The following COL6A5 variants were observed in gnomAD, a reference collection of about 807,000 sequenced individuals.
COL6A5 encodes the protein collagen alpha-5(VI) chain.
COL6A5 carries 48 observed loss-of-function variants against 65.6 expected under a neutral mutation model. That is an observed-to-expected ratio of 0.73 (90% CI 0.58 to 0.93). The LOEUF is 0.93. COL6A5 is among the 40% of genes least tolerant of loss of function. COL6A5 has a pLI of 0.00. For synonymous variants in COL6A5, 291 were observed against 322.8 expected (o/e 0.90, Z 1.05); for missense variants, 914 against 928.3 (o/e 0.98, Z 0.20).
At chr3:130,358,014 C>G (rs1403378563) in intron 1 of COL6A5, among the ~76,000 whole-genome samples, 1 of 151,844 alleles carries the variant, frequency 6.6e-6, no homozygotes, top group Non-Finnish European at 1.5e-5. Flanking sequence ...ATGGTGAAAC[C>G]CCGTCTCTAC....
chr3:130,345,821 TGCGGCGCGGACCAGGG>T (rs1934444168), exon 1 of COL6A5: 1 of 395,828 alleles, frequency 2.5e-6, no homozygotes, highest in Non-Finnish European at 4.5e-6. Flanking sequence ...GACCAGGGCG[TGCGGCGCGGACCAGGG>T]CTTCCGGCGC....
At chr3:130,427,329 C>T (rs2107690269), upstream of COL6A5, among the ~76,000 whole-genome samples, 1 of 152,154 alleles carries the variant, frequency 6.6e-6, no homozygotes, top group Admixed American at 6.5e-5. Flanking sequence ...TTTAAATAAT[C>T]ATAATCAGAA....
chr3:130,353,861 A>G (rs1934813839), intron 1 of COL6A5, among the ~76,000 whole-genome samples: 1 of 152,094 alleles, frequency 6.6e-6, no homozygotes, highest in African/African-American at 2.4e-5. Flanking sequence ...AAAATATTAA[A>G]TGAATATGTC....
At chr3:130,451,893 G>A (rs1353457681) in intron 4 of COL6A5, among the ~76,000 whole-genome samples, 1 of 152,158 alleles carries the variant, frequency 6.6e-6, no homozygotes, top group Non-Finnish European at 1.5e-5. Context: ...CATTAGGACA[G>A]CAGGTACCAA....
Position 130,395,214 on chromosome 3 carries a change from G to A in COL6A5, c.3317G>A (p.Gly1106Asp), listed in dbSNP as rs916377910. The A allele has an allele frequency of 2.6e-6, 4 of 1,551,538 alleles. No individual in the cohort carries two copies. The African/African-American group carries it at 4.1e-5, about 16-fold the overall frequency. The change falls in exon 8 of 42, where the codon GGT (glycine) becomes GAT (aspartate). Residue 1106 changes from glycine to aspartate, a missense_variant and NMD_transcript_variant. Transcript: ENST00000312481. ...CATGCTGGTGGGAGAAGAAATGCTG[G>A]TGTCCCCCAAACTTTGGTTGTTATC...
At chr3:130,471,125 G>A (rs905188555) in intron 7 of COL6A5, among the ~76,000 whole-genome samples, 158 bp downstream of exon 39, 5 of 151,718 alleles carry the variant, frequency 3.3e-5, no homozygotes, top group African/African-American at 1.2e-4. Context: ...CGTTTGTGAT[G>A]ATAGCATAGG....
intron 6 of COL6A5, among the ~76,000 whole-genome samples, chr3:130,389,695 T>C (rs779423244): frequency 3.3e-5 from 5 of 152,114 alleles, no homozygotes; most frequent in African/African-American, 4.8e-5. Context: ...AAAATTGTAA[T>C]TTGTCACTTT....
chr3:130,428,835 G>C (rs1052674475), upstream of COL6A5, among the ~76,000 whole-genome samples: 6 of 152,210 alleles, frequency 3.9e-5, no homozygotes, highest in African/African-American at 1.4e-4. Flanking sequence ...TTGCACGACA[G>C]CAAGACAGAA....
intron 5 of COL6A5, among the ~76,000 whole-genome samples, chr3:130,385,585 A>G (rs1029328797): frequency 6.6e-5 from 10 of 152,054 alleles, no homozygotes; most frequent in African/African-American, 1.2e-4. Flanking sequence ...CTTGGAAGTC[A>G]TAAGTGGGAA....
rs559098930 is a variant in COL6A5, at chr3:130,373,792, T to C, written c.67+87T>C. 2.2e-5 allele frequency: 19 copies of C among 859,746 alleles called. No homozygotes were observed. The South Asian group carries it at 3.0e-4, about 13-fold the overall frequency. 53.3% of individuals were successfully genotyped at this position (859,746 alleles called of 1,614,324 possible). A position where few individuals can be genotyped will look rare whatever the true frequency, so the allele number is the denominator to read the frequency against. On this transcript the variant is annotated intron_variant and NMD_transcript_variant, in intron 2 of 41. Coordinates refer to the COL6A5 transcript ENST00000312481. ...AATAAACAGCAAGAAATAATTTATT[T>C]ACTAAAAATCAAAGTATGCAGCATT...
chr3:130,440,410 T>C, exon 3 of COL6A5: 2 of 1,613,612 alleles, frequency 1.2e-6, no homozygotes, highest in Admixed American at 1.7e-5. Flanking sequence ...GAAAGATGGG[T>C]ACAGTAAAAA....
chr3:130,442,244 A>T (rs183927059), intron 3 of COL6A5, among the ~76,000 whole-genome samples: 2 of 152,276 alleles, frequency 1.3e-5, no homozygotes, highest in Non-Finnish European at 2.9e-5. Flanking sequence ...TAGTAAATAT[A>T]TCACTCCTGT....
At chr3:130,476,780 A>G in intron 7 of COL6A5, 1 of 559,218 alleles carries the variant, frequency 1.8e-6, no homozygotes, top group Non-Finnish European at 3.4e-6. Context: ...GTTGTTTGTT[A>G]TTATTCTTCA....
At chr3:130,366,105 C>T (rs964285178) in intron 1 of COL6A5, among the ~76,000 whole-genome samples, 2 of 152,136 alleles carry the variant, frequency 1.3e-5, no homozygotes, top group African/African-American at 4.8e-5. Flanking sequence ...ATTTGGATGG[C>T]AGCTGTGGTC....
At chr3:130,431,487 A>G in exon 1 of COL6A5, 3 of 1,551,094 alleles carry the variant, frequency 1.9e-6, no homozygotes, top group Non-Finnish European at 2.6e-6. Context: ...CATATCCAAC[A>G]GAGCTAGTAT....
chr3:130,353,361 A>G (rs1290371189), intron 1 of COL6A5, among the ~76,000 whole-genome samples: 4 of 152,216 alleles, frequency 2.6e-5, no homozygotes, highest in African/African-American at 9.7e-5. Flanking sequence ...CAAAGGAAAG[A>G]AGCATTTGTT....
intron 1 of COL6A5, among the ~76,000 whole-genome samples, chr3:130,350,825 A>G (rs1934675884): frequency 6.6e-6 from 1 of 152,194 alleles, no homozygotes; most frequent in African/African-American, 2.4e-5. Flanking sequence ...TAAAGTTCAT[A>G]TGGAATCAAA....
intron 7 of COL6A5, among the ~76,000 whole-genome samples, chr3:130,482,082 G>T (rs1245169231): frequency 6.6e-6 from 1 of 152,092 alleles, no homozygotes; most frequent in Non-Finnish European, 1.5e-5. Context: ...GGCTTTTGTT[G>T]CAATTGCTTT....
chr3:130,382,740 C>T (rs1161055046), intron 4 of COL6A5, among the ~76,000 whole-genome samples: 1 of 152,128 alleles, frequency 6.6e-6, no homozygotes, highest in African/African-American at 2.4e-5. Context: ...ATATCTACTA[C>T]ATCTGGCACA....
Sources: gnomAD v4.1 joint callset for allele counts (sites outside exome capture counted in the v4.1 genomes callset) on GRCh38, gnomAD v4.1.1 for gene constraint, MANE v1.5 for transcripts, NCBI Gene and HGNC (gene_info 2026-07-23, HGNC 2026-07-21) for gene names.